CDKAL1: variants seen among roughly 807,000 people sequenced by gnomAD.
CDKAL1 encodes threonylcarbamoyladenosine tRNA methylthiotransferase.
Under a neutral mutation model 68.2 loss-of-function variants are expected in CDKAL1, and 32 were observed. The observed-to-expected ratio is 0.47, with a 90% CI of 0.35 to 0.63. The LOEUF (loss-of-function observed/expected upper bound fraction) is 0.63. CDKAL1 is among the 30% of genes least tolerant of loss of function. The pLI is 0.00. For missense variants in CDKAL1, 606 were observed against 696.7 expected (o/e 0.87, Z 1.47); for synonymous variants, 234 against 244.3 (o/e 0.96, Z 0.39).
chr6:21,153,171 A>C (rs1044604705), intron 13 of CDKAL1, among the ~76,000 whole-genome samples: 1 of 150,382 alleles, frequency 6.6e-6, no homozygotes, highest in African/African-American at 2.4e-5. Flanking sequence ...GTGTTTTGAC[A>C]TGACTTTTTA....
At chr6:20,565,995 T>TA (rs1013836570) in intron 4 of CDKAL1, among the ~76,000 whole-genome samples, 6 of 152,092 alleles carry the variant, frequency 3.9e-5, no homozygotes, top group African/African-American at 1.4e-4. Context: ...ATTTTTTTTT[T>TA]AAACCCCTTT....
At position 21,065,096 on chromosome 6, in the gene CDKAL1, A is replaced by G; in HGVS notation, c.1104A>G (p.Gly368=). ...CAGATATTATCTGTGGTTTTCCTGGAGAAACAGATCAGGATTTTCAAGAAA... is the reference window on the plus strand; with the variant it reads ...CAGATATTATCTGTGGTTTTCCTGGGGAAACAGATCAGGATTTTCAAGAAA... The part of the protein sequence containing the change: ...IATDIICGFP[G]ETDQDFQETV... The change falls in exon 12 of 16, where the codon GGA becomes GGG. Residue 368 remains glycine (G), a synonymous_variant. Transcript: ENST00000274695. 6.2e-7 allele frequency: 1 copy of G among 1,603,994 alleles called. No individual in the cohort carries two copies. The highest frequency in any genetic ancestry group is 2.3e-5 in the East Asian group (1 of 44,438).
chr6:20,966,100 C>CG (rs1554148612), intron 10 of CDKAL1, among the ~76,000 whole-genome samples: 1 of 151,964 alleles, frequency 6.6e-6, no homozygotes, highest in Admixed American at 6.6e-5. Flanking sequence ...CTAGAACAGA[C>CG]GGGGGTAATG....
At chr6:21,072,832 TATC>T (rs764550027) in intron 12 of CDKAL1, among the ~76,000 whole-genome samples, 12 of 152,148 alleles carry the variant, frequency 7.9e-5, no homozygotes, top group Non-Finnish European at 1.6e-4. Flanking sequence ...CTACATTACA[TATC>T]ATTTTCACCC....
chr6:21,109,837 G>A (rs572525230), intron 13 of CDKAL1, among the ~76,000 whole-genome samples: 1 of 152,202 alleles, frequency 6.6e-6, no homozygotes, highest in Non-Finnish European at 1.5e-5. Flanking sequence ...CAAAAAAGGC[G>A]ATGGCAAATC....
intron 9 of CDKAL1, among the ~76,000 whole-genome samples, chr6:20,917,284 C>T (rs1762763512): frequency 6.6e-6 from 1 of 151,948 alleles, no homozygotes. Context: ...CCTGACCTTG[C>T]CTTTTTTTAT....
chr6:20,852,768 T>C (rs1759086887), intron 9 of CDKAL1, among the ~76,000 whole-genome samples: 1 of 152,204 alleles, frequency 6.6e-6, no homozygotes, highest in Non-Finnish European at 1.5e-5. Context: ...GGGTACCCTT[T>C]TTACAAAGGA....
intron 11 of CDKAL1, among the ~76,000 whole-genome samples, chr6:21,053,358 T>C (rs932701590): frequency 1.6e-4 from 25 of 152,234 alleles, no homozygotes; most frequent in Non-Finnish European, 2.1e-4. Flanking sequence ...CATTTTGTTA[T>C]TCATTCAACA....
chr6:20,846,722 G>A (rs908088679), intron 9 of CDKAL1, among the ~76,000 whole-genome samples: 1 of 152,172 alleles, frequency 6.6e-6, no homozygotes, highest in East Asian at 1.9e-4. Context: ...GTGTGGGGTG[G>A]CCAACTACTT....
At position 20,927,545 on chromosome 6, in the gene CDKAL1, T is replaced by C. The variant is rs1763241749; in HGVS notation, c.743-27874T>C. ...TTACTTTTTAATCGATTTTTAACCATAGTAGCAAAAATAAGTGGAAAGTCA... is the reference window on the plus strand; with the variant it reads ...TTACTTTTTAATCGATTTTTAACCACAGTAGCAAAAATAAGTGGAAAGTCA... On this transcript the variant is annotated intron_variant, in intron 9 of 15. Transcript: ENST00000274695. Among the ~76,000 whole-genome samples, 3 of 152,164 alleles carry C rather than the reference T, an allele frequency of 2.0e-5. No homozygotes were observed. The South Asian group carries it at 6.2e-4, about 32-fold the overall frequency.
chr6:20,670,934 T>A (rs569960757), intron 5 of CDKAL1, among the ~76,000 whole-genome samples: 1 of 152,314 alleles, frequency 6.6e-6, no homozygotes, highest in East Asian at 1.9e-4. Context: ...TTCCCATGTG[T>A]GGGTGTTGAG....
At chr6:20,618,123 A>G (rs1009936155) in intron 4 of CDKAL1, among the ~76,000 whole-genome samples, 14 of 152,076 alleles carry the variant, frequency 9.2e-5, no homozygotes, top group Non-Finnish European at 1.8e-4. Context: ...CTGCTGTGAG[A>G]TGGTATCTCC....
chr6:20,818,058 T>C (rs569645729), intron 8 of CDKAL1, among the ~76,000 whole-genome samples: 1 of 152,272 alleles, frequency 6.6e-6, no homozygotes, highest in South Asian at 2.1e-4. Flanking sequence ...CATAGTGTGG[T>C]GTCAGCTGTT....
intron 5 of CDKAL1, among the ~76,000 whole-genome samples, chr6:20,676,363 C>T (rs1358755444): frequency 1.3e-5 from 2 of 152,056 alleles, no homozygotes; most frequent in Non-Finnish European, 2.9e-5. Flanking sequence ...GTGCCCTAGA[C>T]AGGTGTACCA....
At chr6:20,775,876 A>G (rs1775148914) in intron 7 of CDKAL1, among the ~76,000 whole-genome samples, 2 of 152,100 alleles carry the variant, frequency 1.3e-5, no homozygotes, top group Non-Finnish European at 2.9e-5. Context: ...TTGTTCTGCT[A>G]CTCCATTTTT....
chr6:20,728,004 A>G (rs756009028), intron 5 of CDKAL1, among the ~76,000 whole-genome samples: 1 of 152,178 alleles, frequency 6.6e-6, no homozygotes, highest in Non-Finnish European at 1.5e-5. Context: ...TTTTATATGT[A>G]GTTGCATGTA....
rs60167989 is a variant in CDKAL1 at position 20,675,792 on chromosome 6, TA to T, written c.371+26426del. Among the ~76,000 whole-genome samples the T allele has an allele frequency of 1.2e-3, 183 of 147,582 alleles. 1 individual carries two copies. In the South Asian group the frequency reaches 0.027, roughly 22 times the overall value. ...TTTAGAGTGAACTGTTTCTACTGAT[TA>T]AAAAAAAAAAGTTAACTGTAAAACA... On this transcript the variant is annotated intron_variant, in intron 5 of 15. Transcript: ENST00000274695.
intron 10 of CDKAL1, among the ~76,000 whole-genome samples, chr6:20,985,690 C>T (rs1766414149): frequency 6.6e-6 from 1 of 152,106 alleles, no homozygotes; most frequent in East Asian, 1.9e-4. Context: ...GAGGCTGAAG[C>T]GGGAGGATCC....
intron 9 of CDKAL1, among the ~76,000 whole-genome samples, chr6:20,910,564 C>G (rs950083158): frequency 6.6e-6 from 1 of 152,174 alleles, no homozygotes; most frequent in East Asian, 1.9e-4. Context: ...GATTAGAGTT[C>G]TCTTGGACTT....
Sources: allele counts gnomAD v4.1 joint callset (sites outside exome capture counted in the v4.1 genomes callset), GRCh38; gene constraint gnomAD v4.1.1; transcripts MANE v1.5; gene names NCBI Gene and HGNC (gene_info 2026-07-23, HGNC 2026-07-21).